The following SYT14 variants were observed in gnomAD, a reference collection of about 807,000 sequenced individuals.
SYT14 encodes the protein synaptotagmin-14.
A neutral mutation model predicts 74.2 loss-of-function variants in SYT14; 32 were observed. The ratio of observed to expected loss-of-function variants is 0.43; its 90% CI spans 0.33 to 0.58. The LOEUF is 0.58. Ranked by LOEUF, SYT14 falls within the 20% of genes least tolerant of loss-of-function variation. SYT14 has a pLI of 0.05. For missense variants in SYT14, 791 were observed against 981.8 expected, an observed-to-expected ratio of 0.81 and a Z score of 2.60; for synonymous variants, 298 against 337.7, an observed-to-expected ratio of 0.88 and a Z score of 1.29.
intron 2 of SYT14, among the ~76,000 whole-genome samples, chr1:209,987,228 A>T (rs1001855891): frequency 2.0e-4 from 30 of 152,178 alleles, no homozygotes; most frequent in Non-Finnish European, 4.1e-4. Context: ...ACATTTTCAG[A>T]TATCTTTATA....
exon 7 of SYT14, chr1:210,100,368 G>T: frequency 1.2e-6 from 2 of 1,613,822 alleles, no homozygotes; most frequent in South Asian, 1.1e-5. Flanking sequence ...AAAAAGAAAA[G>T]ATTGTGGGGG....
intron 7 of SYT14, among the ~76,000 whole-genome samples, chr1:210,154,788 T>C (rs921349187): frequency 1.4e-4 from 22 of 152,300 alleles, no homozygotes; most frequent in African/African-American, 5.1e-4. Flanking sequence ...TTATGAATAA[T>C]TTTCATCATT....
At chr1:210,163,103 C>T (rs2083406010) in exon 10 of SYT14, 1 of 453,292 alleles carries the variant, frequency 2.2e-6, no homozygotes, top group South Asian at 1.6e-5. Context: ...TTTGAAACAA[C>T]TGACTGCATT....
At chr1:210,068,946 C>T (rs1252715824) in intron 5 of SYT14, among the ~76,000 whole-genome samples, 6 of 151,780 alleles carry the variant, frequency 4.0e-5, no homozygotes, top group Admixed American at 3.9e-4. Context: ...AATACCATTT[C>T]AGTTGTATCC....
intron 5 of SYT14, among the ~76,000 whole-genome samples, chr1:210,031,636 TTG>T (rs935978927): frequency 1.3e-5 from 2 of 152,180 alleles, no homozygotes; most frequent in Non-Finnish European, 1.5e-5. Context: ...TTTTGGAATA[TTG>T]TGTGTTTTAA....
At chr1:210,114,602 A>T (rs1333635866) in intron 7 of SYT14, among the ~76,000 whole-genome samples, 1 of 151,300 alleles carries the variant, frequency 6.6e-6, no homozygotes, top group African/African-American at 2.5e-5. Context: ...CGGGCCATGA[A>T]CTGGGCTGAG....
chr1:210,087,680 C>T (rs1351338372), intron 5 of SYT14, among the ~76,000 whole-genome samples: 1 of 152,158 alleles, frequency 6.6e-6, no homozygotes, highest in East Asian at 1.9e-4. Context: ...AAACCCTTCT[C>T]ACCTGCCCTT....
chr1:210,029,828 C>T (rs1476786649), intron 5 of SYT14, among the ~76,000 whole-genome samples: 1 of 152,066 alleles, frequency 6.6e-6, no homozygotes, highest in Non-Finnish European at 1.5e-5. Context: ...CTGTAAATCA[C>T]TTTTGGTATT....
chr1:210,078,529 AC>A (rs1451016065), intron 5 of SYT14, among the ~76,000 whole-genome samples: 3 of 151,986 alleles, frequency 2.0e-5, no homozygotes, highest in Non-Finnish European at 4.4e-5. Context: ...TAAGAATATT[AC>A]TTAATGACTC....
chr1:210,022,867 CA>C (rs565115180), intron 5 of SYT14, among the ~76,000 whole-genome samples: 54 of 152,058 alleles, frequency 3.6e-4, no homozygotes, highest in South Asian at 2.5e-3. Flanking sequence ...CCTCTCACCC[CA>C]ACTCCCCTCT....
chr1:210,133,327 G>A (rs2082715389), intron 7 of SYT14, among the ~76,000 whole-genome samples: 1 of 152,110 alleles, frequency 6.6e-6, no homozygotes, highest in African/African-American at 2.4e-5. Context: ...ATAATATAAT[G>A]GATGCAGCTT....
chr1:210,002,258 C>G (rs1028458546), intron 2 of SYT14, among the ~76,000 whole-genome samples: 2 of 152,018 alleles, frequency 1.3e-5, no homozygotes, highest in Non-Finnish European at 2.9e-5. Flanking sequence ...CAAAAGCCCC[C>G]GTGCACTCTT....
chr1:210,151,159 C>G (rs1233040101), intron 7 of SYT14, among the ~76,000 whole-genome samples: 1 of 152,056 alleles, frequency 6.6e-6, no homozygotes, highest in Non-Finnish European at 1.5e-5. Context: ...CTTTGGGGAG[C>G]CTGTGGGACT....
chr1:210,098,144 C>T (rs2081998008), intron 6 of SYT14, among the ~76,000 whole-genome samples: 2 of 150,862 alleles, frequency 1.3e-5, no homozygotes, highest in African/African-American at 4.9e-5. Flanking sequence ...CATTGCATTC[C>T]AGCCTGGTAA....
chr1:210,025,853 A>G lies in SYT14; in HGVS notation c.1312+4599A>G, dbSNP rs920217359. 5.9e-5 allele frequency among the ~76,000 whole-genome samples: 9 copies of G among 152,192 alleles called. No homozygotes were observed. In the East Asian group the frequency reaches 1.5e-3, roughly 26 times the overall value. ...TTAACCCAAAGTCACACAGCAAGAT[A>G]AAAACTATACTTGTCAAGTTGACAG... is the stretch of plus-strand genomic sequence containing the variant. On this transcript the variant is annotated intron_variant, in intron 5 of 9. Coordinates refer to ENST00000637265, the Ensembl canonical transcript of SYT14.
chr1:210,135,944 A>G (rs1003835457), intron 7 of SYT14, among the ~76,000 whole-genome samples: 2 of 152,094 alleles, frequency 1.3e-5, no homozygotes, highest in Non-Finnish European at 2.9e-5. Context: ...AGTTGTGGGG[A>G]TTGTTCTGCT....
intron 1 of SYT14, among the ~76,000 whole-genome samples, 183 bp downstream of exon 1, chr1:209,938,460 C>T (rs1254094067): frequency 6.6e-6 from 1 of 151,732 alleles, no homozygotes. Context: ...GCCGCTGGGA[C>T]GCCGGGCCCG....
intron 5 of SYT14, among the ~76,000 whole-genome samples, chr1:210,043,481 G>T (rs1019003148): frequency 1.3e-5 from 2 of 152,040 alleles, no homozygotes; most frequent in Non-Finnish European, 2.9e-5. Context: ...AGTGCAAGTT[G>T]GGTTAATTGG....
rs1265177388 is a variant in SYT14 at position 209,964,932 on chromosome 1, C to A, written c.-486+12176C>A. Among the ~76,000 whole-genome samples the A allele has an allele frequency of 7.9e-5, 12 of 152,318 alleles. No individual in the cohort carries two copies. The East Asian group carries it at 2.3e-3, about 29-fold the overall frequency. On this transcript the variant is annotated intron_variant, in intron 2 of 9. Coordinates refer to ENST00000637265, the Ensembl canonical transcript of SYT14. ...TCAATTAATGTTGACTGGGACCACT[C>A]TGAGGGTCAAGTTCCCAGATGCCAG...
Sources: allele counts gnomAD v4.1 joint callset (sites outside exome capture counted in the v4.1 genomes callset), GRCh38; gene constraint gnomAD v4.1.1; transcripts MANE v1.5; gene names NCBI Gene and HGNC (gene_info 2026-07-23, HGNC 2026-07-21).